The following LRP1B variants were observed in gnomAD, a reference collection of about 807,000 sequenced individuals.
LRP1B encodes low-density lipoprotein receptor-related protein 1B.
Under a neutral mutation model 556.6 loss-of-function variants are expected in LRP1B, and 217 were observed. That is an observed-to-expected ratio of 0.39 (90% CI 0.35 to 0.44). The LOEUF is 0.44. Ranked by LOEUF, LRP1B falls within the 20% of genes least tolerant of loss-of-function variation. LRP1B has a pLI of 1.00. For missense variants in LRP1B, 5,053 were observed against 5,620.8 expected (o/e 0.90, Z 3.23); for synonymous variants, 2,047 against 1,865.8 (o/e 1.10, Z -2.50).
chr2:140,395,397 A>C (rs1001176641), intron 66 of LRP1B, among the ~76,000 whole-genome samples: 1 of 152,212 alleles, frequency 6.6e-6, no homozygotes, highest in Non-Finnish European at 1.5e-5. Flanking sequence ...GCTGCAGGTT[A>C]ACCTACGTTG....
intron 1 of LRP1B, among the ~76,000 whole-genome samples, chr2:142,099,075 T>C (rs1359381203): frequency 2.0e-5 from 3 of 151,810 alleles, no homozygotes; most frequent in Admixed American, 6.6e-5. Flanking sequence ...ACATTATTCA[T>C]ATAGAATAAA....
Position 140,659,098 on chromosome 2 carries a change from G to GTTTTTTTT in LRP1B, c.6799+41144_6799+41151dup, listed in dbSNP as rs59651364. On this transcript the variant is annotated intron_variant, in intron 41 of 90. Coordinates refer to ENST00000389484, the MANE Select transcript of LRP1B (RefSeq NM_018557.3). ...TGGGTTGTCCCTAAACTGTAAATCT[G>GTTTTTTTT]TTTTTTTTTTTTTTTTTTTTTTTTT... Among the ~76,000 whole-genome samples, 8 of 61,138 alleles carry GTTTTTTTT rather than the reference G, an allele frequency of 1.3e-4. 1 individual carries two copies. The highest frequency in any genetic ancestry group is 7.8e-4 in the East Asian group (1 of 1,286). 40.1% of individuals were successfully genotyped at this position (61,138 alleles called of 152,430 possible).
intron 3 of LRP1B, among the ~76,000 whole-genome samples, chr2:141,395,959 A>G (rs1690225417): frequency 6.6e-6 from 1 of 152,166 alleles, no homozygotes; most frequent in African/African-American, 2.4e-5. Context: ...ATACATCAAC[A>G]TTTAATTGAG....
At position 142,007,109 on chromosome 2, in the gene LRP1B, T is replaced by C. The variant is rs75607812; in HGVS notation, c.82+123539A>G. ...ATTTCACATTTCTCTAAAATAAATA[T>C]AGTAACATGTTAACTCAAGAAATCA... On this transcript the variant is annotated intron_variant, in intron 1 of 90. Transcript: ENST00000389484. 2.8e-3 allele frequency among the ~76,000 whole-genome samples: 424 copies of C among 152,294 alleles called. 1 individual carries two copies. The highest frequency in any genetic ancestry group is 9.5e-3 in the African/African-American group (394 of 41,590).
intron 20 of LRP1B, among the ~76,000 whole-genome samples, chr2:140,924,179 AC>A (rs776600587): frequency 1.8e-4 from 28 of 152,008 alleles, no homozygotes; most frequent in Non-Finnish European, 3.8e-4. Flanking sequence ...ATTATTTATT[AC>A]ACTGGTTTGG....
chr2:141,123,951 G>A (rs1204812952), intron 7 of LRP1B, among the ~76,000 whole-genome samples: 1 of 151,970 alleles, frequency 6.6e-6, no homozygotes, highest in Non-Finnish European at 1.5e-5. Context: ...AAGTGATAGA[G>A]TAAATTGTTA....
intron 3 of LRP1B, among the ~76,000 whole-genome samples, chr2:141,358,963 T>C (rs546918484): frequency 5.9e-5 from 9 of 152,232 alleles, no homozygotes; most frequent in Admixed American, 3.3e-4. Context: ...TCAAATTGTA[T>C]ACAAGATAAT....
intron 1 of LRP1B, among the ~76,000 whole-genome samples, chr2:141,875,594 T>A (rs1352721248): frequency 6.6e-6 from 1 of 151,962 alleles, no homozygotes; most frequent in Non-Finnish European, 1.5e-5. Flanking sequence ...GTTTGACAAT[T>A]ATTCAATTTC....
intron 7 of LRP1B, among the ~76,000 whole-genome samples, chr2:141,170,474 T>C (rs1680454719): frequency 6.6e-6 from 1 of 152,076 alleles, no homozygotes; most frequent in Admixed American, 6.6e-5. Flanking sequence ...CCGAAAGAAA[T>C]GGCAATATTT....
intron 15 of LRP1B, 106 bp from the exon 16 acceptor site, chr2:140,994,241 G>T: frequency 3.4e-6 from 3 of 877,706 alleles, no homozygotes; most frequent in Non-Finnish European, 5.3e-6. Context: ...CTACATATCA[G>T]TGGGATGAGG....
At chr2:142,029,538 T>G (rs548015852) in intron 1 of LRP1B, among the ~76,000 whole-genome samples, 1 of 151,940 alleles carries the variant, frequency 6.6e-6, no homozygotes, top group South Asian at 2.1e-4. Context: ...CACACATGCT[T>G]GTATTTAGAA....
chr2:141,829,961 CA>C (rs1697060459), intron 1 of LRP1B, among the ~76,000 whole-genome samples: 1 of 151,612 alleles, frequency 6.6e-6, no homozygotes, highest in Non-Finnish European at 1.5e-5. Context: ...GGGGTTTTGT[CA>C]AATGTTGGGA....
At chr2:141,335,639 C>T (rs1687820887) in intron 3 of LRP1B, among the ~76,000 whole-genome samples, 1 of 151,932 alleles carries the variant, frequency 6.6e-6, no homozygotes, top group Non-Finnish European at 1.5e-5. Flanking sequence ...TATATAAATA[C>T]ATAAAAATAA....
chr2:141,308,771 T>C (rs1245895289), intron 3 of LRP1B, among the ~76,000 whole-genome samples: 1 of 152,186 alleles, frequency 6.6e-6, no homozygotes, highest in African/African-American at 2.4e-5. Context: ...AAATGATTGT[T>C]GCTTTTTAAT....
intron 1 of LRP1B, among the ~76,000 whole-genome samples, chr2:141,840,961 G>A (rs752037271): frequency 8.1e-5 from 12 of 148,918 alleles, no homozygotes; most frequent in Non-Finnish European, 1.8e-4. Context: ...GTGGTGCTTT[G>A]TTTTTAAGAG....
At chr2:141,559,888 A>G (rs911054799) in intron 2 of LRP1B, among the ~76,000 whole-genome samples, 11 of 151,840 alleles carry the variant, frequency 7.2e-5, no homozygotes, top group African/African-American at 2.4e-4. Context: ...TAAAATTTGT[A>G]AAGTTCGAGG....
At chr2:140,829,598 A>G (rs955683099) in intron 31 of LRP1B, among the ~76,000 whole-genome samples, 1 of 151,942 alleles carries the variant, frequency 6.6e-6, no homozygotes, top group Non-Finnish European at 1.5e-5. Flanking sequence ...AATTAGAAAA[A>G]CATAACATAC....
intron 60 of LRP1B, among the ~76,000 whole-genome samples, chr2:140,466,124 C>CTTTTTTTTTTTTT (rs74381027): frequency 8.0e-6 from 1 of 125,718 alleles, no homozygotes; most frequent in Non-Finnish European, 1.7e-5. Flanking sequence ...TTTCTTTTTT[C>CTTTTTTTTTTTTT]TTTTTTTTTT....
rs180945419 is a variant in LRP1B, at chr2:140,511,364, C to T, written c.8270-1308G>A. On this transcript the variant is annotated intron_variant, in intron 51 of 90. Transcript: ENST00000389484. ...TCGCCCAGGCTGGAGTGCGGTGGCG[C>T]GGTCTCGGCTCAATGCAAGCTCCGC... Among the ~76,000 whole-genome samples, 660 of 129,718 alleles carry T rather than the reference C, an allele frequency of 5.1e-3. 4 individuals carry two copies. The highest frequency in any genetic ancestry group is 0.018 in the African/African-American group (606 of 33,364). 85.1% of individuals were successfully genotyped at this position (129,718 alleles called of 152,430 possible). A position where few individuals can be genotyped will look rare whatever the true frequency, so the allele number is the denominator to read the frequency against.
Sources: allele counts gnomAD v4.1 joint callset (sites outside exome capture counted in the v4.1 genomes callset), GRCh38; gene constraint gnomAD v4.1.1; transcripts MANE v1.5; gene names NCBI Gene and HGNC (gene_info 2026-07-23, HGNC 2026-07-21).